KLF8: variants seen among roughly 807,000 people sequenced by gnomAD.
KLF8 encodes Krueppel-like factor 8.
Under a neutral mutation model 18.2 loss-of-function variants are expected in KLF8, and 10 were observed. That is an observed-to-expected ratio of 0.55 (90% CI 0.34 to 0.93). KLF8 has a LOEUF of 0.93. Among genes scored for constraint, KLF8 ranks in the 40% least tolerant of loss-of-function variants. KLF8 has a pLI of 0.02. For missense variants in KLF8, 264 were observed against 277.9 expected, an observed-to-expected ratio of 0.95 and a Z score of 0.36; for synonymous variants, 109 against 97.3, an observed-to-expected ratio of 1.12 and a Z score of -0.71.
the KLF8 span, among the ~76,000 whole-genome samples, chrX:56,187,854 G>A: frequency 5.8e-4 from 65 of 111,773 alleles, no homozygotes; most frequent in African/African-American, 2.0e-3. Context: ...CAATAAATTA[G>A]GTATTGACAG....
chrX:56,115,716 C>CATA, the KLF8 span, among the ~76,000 whole-genome samples: 3 of 111,694 alleles, frequency 2.7e-5, no homozygotes, highest in East Asian at 5.6e-4. Flanking sequence ...CTGATATTCC[C>CATA]ATAATAATAA....
At chrX:56,007,698 G>A in the KLF8 span, among the ~76,000 whole-genome samples, 1 of 111,425 alleles carries the variant, frequency 9.0e-6, no homozygotes, top group South Asian at 3.8e-4. Flanking sequence ...GGTGCTGGGT[G>A]CCTGTAGTAA....
chrX:55,964,358 T>C, the KLF8 span, among the ~76,000 whole-genome samples: 1 of 112,192 alleles, frequency 8.9e-6, no homozygotes, highest in Admixed American at 9.4e-5. Flanking sequence ...GGTGGATCAC[T>C]TGAGCCCAGG....
the KLF8 span, among the ~76,000 whole-genome samples, chrX:56,206,686 T>A: frequency 3.6e-5 from 4 of 112,166 alleles, no homozygotes; most frequent in African/African-American, 1.3e-4. Context: ...GTGTTGTGCC[T>A]GTAGCTTTTC....
At chrX:56,193,090 CAGAATGTGTA>C in the KLF8 span, among the ~76,000 whole-genome samples, 2 of 112,093 alleles carry the variant, frequency 1.8e-5, no homozygotes, top group African/African-American at 6.5e-5. Context: ...GTTTGAGAAC[CAGAATGTGTA>C]AGGGACTCAA....
the KLF8 span, among the ~76,000 whole-genome samples, chrX:55,954,628 A>G: frequency 1.8e-5 from 2 of 112,245 alleles, no homozygotes; most frequent in African/African-American, 3.2e-5. Flanking sequence ...GAGTTTGACA[A>G]TTCCTCCAAA....
At chrX:56,034,748 C>CTTTT in the KLF8 span, among the ~76,000 whole-genome samples, 251 of 53,804 alleles carry the variant, frequency 4.7e-3, 12 homozygotes, top group Middle Eastern at 0.043. Flanking sequence ...GAACTTATTT[C>CTTTT]TTTTTTTTTT....
the KLF8 span, among the ~76,000 whole-genome samples, chrX:56,148,155 T>C: frequency 8.9e-6 from 1 of 112,140 alleles, no homozygotes; most frequent in African/African-American, 3.2e-5. Flanking sequence ...ATGCACACCC[T>C]CAGAAATTAA....
chrX:56,144,960 T>G, the KLF8 span, among the ~76,000 whole-genome samples: 1 of 106,975 alleles, frequency 9.3e-6, no homozygotes, highest in African/African-American at 3.4e-5. Context: ...ACCCGGCTAA[T>G]TTTTGTATTT....
the KLF8 span, among the ~76,000 whole-genome samples, chrX:56,040,300 G>A: frequency 1.8e-5 from 2 of 111,594 alleles, no homozygotes; most frequent in South Asian, 7.5e-4. Flanking sequence ...CTTTTCTCGT[G>A]CCAGTTTTCA....
chrX:56,253,446 G>A (rs1455107214), intron 2 of KLF8, among the ~76,000 whole-genome samples: 2 of 111,911 alleles, frequency 1.8e-5, no homozygotes, highest in Non-Finnish European at 3.8e-5. Context: ...AGGTTTCCCA[G>A]CACCATTTAT....
chrX:56,158,570 C>G, the KLF8 span, among the ~76,000 whole-genome samples: 1 of 111,434 alleles, frequency 9.0e-6, no homozygotes, highest in Non-Finnish European at 1.9e-5. Context: ...TTTCCTTGAG[C>G]AGTGGTTTGT....
the KLF8 span, among the ~76,000 whole-genome samples, chrX:56,048,962 T>A: frequency 8.9e-6 from 1 of 111,822 alleles, no homozygotes; most frequent in Non-Finnish European, 1.9e-5. Flanking sequence ...GGCTTGTAGT[T>A]CTCCTTGAAG....
intron 2 of KLF8, among the ~76,000 whole-genome samples, chrX:56,261,558 C>A (rs1602443073): frequency 1.8e-5 from 2 of 111,246 alleles, no homozygotes; most frequent in Admixed American, 1.9e-4. Flanking sequence ...CATCCTGAGT[C>A]ATCTTAGTGA....
At chrX:56,135,153 G>A in the KLF8 span, among the ~76,000 whole-genome samples, 32 of 110,978 alleles carry the variant, frequency 2.9e-4, no homozygotes, top group Admixed American at 4.8e-4. Context: ...TGATTCCTCC[G>A]GGATCTAGAA....
the KLF8 span, among the ~76,000 whole-genome samples, chrX:56,045,553 G>A: frequency 9.0e-6 from 1 of 111,700 alleles, no homozygotes; most frequent in Non-Finnish European, 1.9e-5. Context: ...TTTCATTTGT[G>A]TTATCTATGA....
the KLF8 span, among the ~76,000 whole-genome samples, chrX:56,125,237 C>A: frequency 8.9e-6 from 1 of 111,907 alleles, no homozygotes. Context: ...CAGATGCAAT[C>A]CTTTCTCATT....
At chrX:56,157,894 A>G in the KLF8 span, among the ~76,000 whole-genome samples, 1 of 111,565 alleles carries the variant, frequency 9.0e-6, no homozygotes, top group Admixed American at 9.6e-5. Flanking sequence ...CTTGAGTTTA[A>G]TTAGATCCCA....
At chrX:56,177,211 T>A in the KLF8 span, among the ~76,000 whole-genome samples, 2 of 111,673 alleles carry the variant, frequency 1.8e-5, no homozygotes, top group Non-Finnish European at 1.9e-5. Context: ...TTCTGCTCTG[T>A]TTGTTCACCA....
Sources: allele counts gnomAD v4.1 joint callset (sites outside exome capture counted in the v4.1 genomes callset), GRCh38; gene constraint gnomAD v4.1.1; transcripts MANE v1.5; gene names NCBI Gene and HGNC (gene_info 2026-07-23, HGNC 2026-07-21).